CTNNA3: variants seen among roughly 807,000 people sequenced by gnomAD.
The protein encoded by CTNNA3 is catenin alpha 3.
A neutral mutation model predicts 95.7 loss-of-function variants in CTNNA3; 76 were observed. That is an observed-to-expected ratio of 0.79 (90% CI 0.66 to 0.96). The LOEUF (loss-of-function observed/expected upper bound fraction) is 0.96. CTNNA3 is among the 40% of genes least tolerant of loss of function. The pLI is 0.00. For synonymous variants in CTNNA3, 431 were observed against 374.4 expected (o/e 1.15, Z -1.74); for missense variants, 1,191 against 1,089.8 (o/e 1.09, Z -1.31).
intron 2 of CTNNA3, among the ~76,000 whole-genome samples, chr10:67,630,421 T>A (rs1048812322): frequency 6.6e-6 from 1 of 152,200 alleles, no homozygotes; most frequent in Non-Finnish European, 1.5e-5. Context: ...TTGAGATAAG[T>A]CTATATTAGC....
chr10:67,643,415 C>T (rs1042345980), intron 2 of CTNNA3, among the ~76,000 whole-genome samples: 3 of 151,952 alleles, frequency 2.0e-5, no homozygotes, highest in Non-Finnish European at 2.9e-5. Flanking sequence ...CACCATGGCA[C>T]GTGTTTACCT....
At chr10:67,673,286 T>C (rs1234082742) in intron 1 of CTNNA3, among the ~76,000 whole-genome samples, 2 of 148,408 alleles carry the variant, frequency 1.3e-5, no homozygotes, top group African/African-American at 4.9e-5. Flanking sequence ...TTTCTAGATA[T>C]ACAATCATGT....
intron 5 of CTNNA3, among the ~76,000 whole-genome samples, chr10:67,223,507 C>G (rs535116556): frequency 3.2e-4 from 48 of 152,204 alleles, no homozygotes; most frequent in Admixed American, 3.1e-3. Context: ...GAAGAAAGCT[C>G]ACAGGAGATT....
chr10:67,576,916 G>C (rs572841614), intron 3 of CTNNA3, among the ~76,000 whole-genome samples: 4 of 119,528 alleles, frequency 3.3e-5, no homozygotes, highest in Non-Finnish European at 6.2e-5. Context: ...GTATTCCATG[G>C]TGTATATGTG....
In CTNNA3 at chr10:67,436,121, T is replaced by A. The variant is rs929594315; in HGVS notation, c.579+85721A>T. Among the ~76,000 whole-genome samples, 12 of 152,046 alleles carry A rather than the reference T, an allele frequency of 7.9e-5. No homozygotes were observed. The East Asian group carries it at 1.9e-3, about 25-fold the overall frequency. On this transcript the variant is annotated intron_variant, in intron 5 of 17. Coordinates refer to ENST00000433211, the MANE Select transcript of CTNNA3 (RefSeq NM_013266.4). ...AAACAGCATGGTACTGGTATAAAAA[T>A]AGACACATAGACTAATGGAACAGAA...
chr10:66,996,599 G>C (rs1696182645), intron 7 of CTNNA3, among the ~76,000 whole-genome samples: 1 of 125,060 alleles, frequency 8.0e-6, no homozygotes, highest in Non-Finnish European at 1.6e-5. Context: ...AGTGGGTCAA[G>C]ATCGCACCAC....
intron 7 of CTNNA3, among the ~76,000 whole-genome samples, chr10:67,013,238 CTAT>C: frequency 6.6e-6 from 1 of 151,572 alleles, no homozygotes; most frequent in East Asian, 1.9e-4. Flanking sequence ...CCTTAATACT[CTAT>C]TAAGTTGCCT....
chr10:67,264,612 A>T lies in CTNNA3; in HGVS notation c.580-44742T>A, dbSNP rs529455274. Among the ~76,000 whole-genome samples, 49 of 152,228 alleles carry T rather than the reference A, an allele frequency of 3.2e-4. 1 individual carries two copies. The highest frequency in any genetic ancestry group is 2.1e-3 in the Admixed American group (32 of 15,282). ...GACATTAAATGCCTGGTCTTTGGGG[A>T]ATTCCTCTATTCTGCAAATTTTAGA... On this transcript the variant is annotated intron_variant, in intron 5 of 17. Coordinates refer to ENST00000433211, the MANE Select transcript of CTNNA3 (RefSeq NM_013266.4).
chr10:67,310,143 T>C (rs998960104), intron 5 of CTNNA3, among the ~76,000 whole-genome samples: 2 of 152,158 alleles, frequency 1.3e-5, no homozygotes, highest in Admixed American at 1.3e-4. Flanking sequence ...GCTTAAAGGC[T>C]CACACCTTGG....
intron 17 of CTNNA3, among the ~76,000 whole-genome samples, chr10:65,943,762 T>C (rs1192190363): frequency 6.6e-6 from 1 of 152,204 alleles, no homozygotes; most frequent in Non-Finnish European, 1.5e-5. Context: ...AGTTTTATCT[T>C]AGAATAGGTA....
chr10:66,804,787 C>T (rs1841574658), intron 7 of CTNNA3, among the ~76,000 whole-genome samples: 1 of 152,006 alleles, frequency 6.6e-6, no homozygotes, highest in South Asian at 2.1e-4. Flanking sequence ...TATTTAGCTC[C>T]TGTTTAGAAA....
rs77286454 is a variant in CTNNA3 at position 66,404,833 on chromosome 10, C to T, written c.1532-25481G>A. Among the ~76,000 whole-genome samples, 887 of 151,402 alleles carry T rather than the reference C, an allele frequency of 5.9e-3. 9 individuals are homozygous for T. The highest frequency in any genetic ancestry group is 0.021 in the African/African-American group (853 of 41,180). On this transcript the variant is annotated intron_variant, in intron 11 of 17. Coordinates refer to ENST00000433211, the MANE Select transcript of CTNNA3 (RefSeq NM_013266.4). ...TAGTATTAGTGTATTTTATGTGTGG[C>T]CCAACACTTCTTCTTCCACTGTGGC...
At chr10:66,396,992 A>G (rs1017552759) in intron 11 of CTNNA3, among the ~76,000 whole-genome samples, 26 of 151,772 alleles carry the variant, frequency 1.7e-4, no homozygotes, top group Admixed American at 1.5e-3. Flanking sequence ...ACATAATTTT[A>G]AGTGAAAAAA....
chr10:66,810,972 T>C (rs894077614), intron 7 of CTNNA3, among the ~76,000 whole-genome samples: 3 of 152,182 alleles, frequency 2.0e-5, no homozygotes, highest in Admixed American at 1.3e-4. Context: ...AAGCAGAGTA[T>C]ATTGTACCAT....
At chr10:67,735,127 G>GCA (rs563123022) in intron 1 of CTNNA3, among the ~76,000 whole-genome samples, 17 of 108,400 alleles carry the variant, frequency 1.6e-4, no homozygotes, top group South Asian at 6.4e-4. Flanking sequence ...CAGCAAGTGA[G>GCA]CACACACACA....
intron 13 of CTNNA3, among the ~76,000 whole-genome samples, chr10:66,181,507 C>T (rs904076640): frequency 2.0e-5 from 3 of 152,082 alleles, no homozygotes; most frequent in African/African-American, 7.2e-5. Context: ...ATTCTCTTGG[C>T]ATAATTTTTA....
intron 7 of CTNNA3, among the ~76,000 whole-genome samples, chr10:67,001,685 T>C (rs1479775718): frequency 3.3e-5 from 5 of 152,178 alleles, no homozygotes; most frequent in Admixed American, 6.6e-5. Context: ...CCTAATTGTA[T>C]TCATAATGCA....
chr10:67,049,650 G>A (rs1854961395), intron 7 of CTNNA3, among the ~76,000 whole-genome samples: 1 of 152,128 alleles, frequency 6.6e-6, no homozygotes, highest in South Asian at 2.1e-4. Flanking sequence ...CAACACACCT[G>A]AATTTTCAGG....
In CTNNA3 at chr10:66,228,770, G is replaced by C. The variant is rs115755321; in HGVS notation, c.1884+51700C>G. ...GAAGTCCCCGACTATTTGTAATGGAGTATATTTCTTCTATTCGTTCTAATA... is the reference window on the plus strand; with the variant it reads ...GAAGTCCCCGACTATTTGTAATGGACTATATTTCTTCTATTCGTTCTAATA... On this transcript the variant is annotated intron_variant, in intron 13 of 17. Transcript: ENST00000433211. Among the ~76,000 whole-genome samples, 840 of 152,112 alleles carry C rather than the reference G, an allele frequency of 5.5e-3. 3 individuals carry two copies. Among genetic ancestry groups the C allele is most frequent in the African/African-American group, 0.019 (805 of 41,534 alleles).
Sources: gnomAD v4.1 joint callset for allele counts (sites outside exome capture counted in the v4.1 genomes callset) on GRCh38, gnomAD v4.1.1 for gene constraint, MANE v1.5 for transcripts, NCBI Gene and HGNC (gene_info 2026-07-23, HGNC 2026-07-21) for gene names.